The following CSMD3 variants were observed in gnomAD, a reference collection of about 807,000 sequenced individuals.
The protein encoded by CSMD3 is CUB and sushi domain-containing protein 3.
CSMD3 carries 177 observed loss-of-function variants against 435.2 expected under a neutral mutation model. The observed-to-expected ratio is 0.41, with a 90% CI of 0.36 to 0.46. The LOEUF (loss-of-function observed/expected upper bound fraction) is 0.46. Ranked by LOEUF, CSMD3 falls within the 20% of genes least tolerant of loss-of-function variation. The pLI, the probability that CSMD3 is intolerant of heterozygous loss-of-function variation, is 0.34. For missense variants in CSMD3, 4,265 were observed against 4,504.6 expected, an observed-to-expected ratio of 0.95 and a Z score of 1.52; for synonymous variants, 1,656 against 1,520.5, an observed-to-expected ratio of 1.09 and a Z score of -2.07.
intron 7 of CSMD3, among the ~76,000 whole-genome samples, chr8:112,969,914 G>T (rs1415259726): frequency 6.6e-6 from 1 of 151,842 alleles, no homozygotes; most frequent in African/African-American, 2.4e-5. Context: ...CTTGAGAAAG[G>T]ATACCCAATT....
In CSMD3 at chr8:113,229,486, C is replaced by CAA. The variant is rs553625609; in HGVS notation, c.514+49104_514+49105dup. On this transcript the variant is annotated intron_variant, in intron 3 of 70. Transcript: ENST00000297405. The stretch of plus-strand genomic sequence containing the variant: ...TAAGTCTCTTTCACACCTTTGCCAG[C>CAA]AAAAAAAAAAAAAATTATATTCAGT... Among the ~76,000 whole-genome samples the CAA allele has an allele frequency of 3.0e-5, 4 of 135,330 alleles. No individual in the cohort carries two copies. The Admixed American group carries it at 3.0e-4, about 10-fold the overall frequency. The allele number at this position is 135,330 out of a possible 152,430, so 88.8% of individuals were successfully genotyped here. A position where few individuals can be genotyped will look rare whatever the true frequency, so the allele number is the denominator to read the frequency against.
intron 1 of CSMD3, among the ~76,000 whole-genome samples, chr8:113,352,137 T>C (rs1397120770): frequency 6.6e-6 from 1 of 152,158 alleles, no homozygotes; most frequent in Non-Finnish European, 1.5e-5. Flanking sequence ...TTCTGAGATC[T>C]ACTTAGAACC....
At position 112,598,064 on chromosome 8, in the gene CSMD3, C is replaced by G. The variant is rs1476796570; in HGVS notation, c.3716-10829G>C. On this transcript the variant is annotated intron_variant, in intron 22 of 70. Transcript: ENST00000297405. The stretch of plus-strand genomic sequence containing the variant: ...AATAAAGGGTATTCAATTAGGAAAA[C>G]AGGAAGTCAAATTGTCCCTGTTTGC... 7.5e-4 allele frequency among the ~76,000 whole-genome samples: 111 copies of G among 148,708 alleles called. 2 individuals are homozygous for G. The highest frequency in any genetic ancestry group is 2.2e-3 in the African/African-American group (88 of 39,766).
chr8:112,727,278 T>G (rs1004896203), intron 13 of CSMD3, among the ~76,000 whole-genome samples: 27 of 152,002 alleles, frequency 1.8e-4, no homozygotes, highest in African/African-American at 6.5e-4. Flanking sequence ...GAACTGCGTC[T>G]GATTTTCCAC....
At chr8:112,765,124 CG>C (rs5894103) in intron 13 of CSMD3, among the ~76,000 whole-genome samples, 3,604 of 151,354 alleles carry the variant, frequency 0.024, 74 homozygotes, top group East Asian at 0.074. Flanking sequence ...CAACAGATGA[CG>C]GGGAGTCACT....
Position 112,492,602 on chromosome 8 carries a change from G to A in CSMD3, c.5165C>T (p.Thr1722Ile), listed in dbSNP as rs776279834. The A allele has an allele frequency of 6.2e-7, 1 of 1,613,140 alleles. No individual in the cohort carries two copies. Among genetic ancestry groups the A allele is most frequent in the Admixed American group, 1.7e-5 (1 of 59,990 alleles). Reference protein sequence around the residue: ...RLGMDYKLGSTVTYYCDAGYV... With the variant: ...RLGMDYKLGSIVTYYCDAGYV... ...ACCAGCATCACAGTAATAGGTGACTGTTGACCCTAATTTATAATCCATTCC... is the reference window on the plus strand; with the variant it reads ...ACCAGCATCACAGTAATAGGTGACTATTGACCCTAATTTATAATCCATTCC... Residue 1722 changes from threonine (T) to isoleucine (I), a missense_variant, in exon 31 of 71, where the codon ACA becomes ATA. Thr to Ile is a moderately conservative substitution (Grantham distance 89, BLOSUM62 -1). This residue lies in a region of CSMD3 where 3,255 missense variants were observed against 3,380.2 expected (regional missense o/e 0.96). Coordinates refer to ENST00000297405, the MANE Select transcript of CSMD3 (RefSeq NM_198123.2).
Position 112,231,467 on chromosome 8 carries a change from G to A in CSMD3, c.10828+78C>T, listed in dbSNP as rs1813079877. 3.3e-6 allele frequency: 3 copies of A among 914,900 alleles called. No homozygotes were observed. In the East Asian group the frequency reaches 7.2e-5, roughly 22 times the overall value. The allele number at this position is 914,900 out of a possible 1,614,324, so 56.7% of individuals were successfully genotyped here. A position where few individuals can be genotyped will look rare whatever the true frequency, so the allele number is the denominator to read the frequency against. On this transcript the variant is annotated intron_variant, in intron 69 of 70. Coordinates refer to ENST00000297405, the MANE Select transcript of CSMD3 (RefSeq NM_198123.2). ...TTATAATGCAGTAAGTGTACCTAAT[G>A]TACAGAATCCACAGTCTTTTTTTTA...
intron 13 of CSMD3, among the ~76,000 whole-genome samples, chr8:112,707,480 C>A (rs201569297): frequency 3.9e-5 from 4 of 103,626 alleles, no homozygotes; most frequent in Non-Finnish European, 5.6e-5. Flanking sequence ...GGTGGTGGTG[C>A]GGCGGGAGGG....
intron 10 of CSMD3, among the ~76,000 whole-genome samples, chr8:112,886,063 G>A (rs903729766): frequency 3.3e-5 from 5 of 151,558 alleles, no homozygotes; most frequent in Non-Finnish European, 5.9e-5. Flanking sequence ...CAATCCGAAA[G>A]ATGTGACTTC....
chr8:112,964,355 A>T lies in CSMD3; in HGVS notation c.1343-9594T>A, dbSNP rs2084340128. Among the ~76,000 whole-genome samples the T allele has an allele frequency of 4.6e-5, 7 of 152,034 alleles. No individual in the cohort carries two copies. The South Asian group carries it at 1.5e-3, about 32-fold the overall frequency. On this transcript the variant is annotated intron_variant, in intron 7 of 70. Transcript: ENST00000297405. ...CCTAATTTATTAATTTTGATATAAAATTTTAAGTAATCAATAATATTTGAC... is the reference window on the plus strand; with the variant it reads ...CCTAATTTATTAATTTTGATATAAATTTTTAAGTAATCAATAATATTTGAC...
intron 1 of CSMD3, among the ~76,000 whole-genome samples, chr8:113,384,585 C>A (rs1467071311): frequency 6.6e-6 from 1 of 152,046 alleles, no homozygotes; most frequent in African/African-American, 2.4e-5. Flanking sequence ...TGAAAGGATC[C>A]CAAAGATCTG....
At chr8:112,380,109 G>C (rs1480526082) in intron 38 of CSMD3, among the ~76,000 whole-genome samples, 1 of 151,868 alleles carries the variant, frequency 6.6e-6, no homozygotes, top group Non-Finnish European at 1.5e-5. Flanking sequence ...TTGTTGAGAG[G>C]GTAGATTTCA....
intron 32 of CSMD3, among the ~76,000 whole-genome samples, chr8:112,434,721 T>G (rs1299655396): frequency 6.6e-6 from 1 of 152,098 alleles, no homozygotes; most frequent in Non-Finnish European, 1.5e-5. Flanking sequence ...ATCAATGTGT[T>G]CACAAGGATA....
intron 6 of CSMD3, among the ~76,000 whole-genome samples, chr8:112,994,385 C>T (rs925263360): frequency 1.3e-5 from 2 of 151,518 alleles, no homozygotes; most frequent in Admixed American, 1.3e-4. Flanking sequence ...AAGGACCACA[C>T]CAATGTGCTT....
In CSMD3 at chr8:113,005,271, C is replaced by T. The variant is rs565323504; in HGVS notation, c.1030+13796G>A. On this transcript the variant is annotated intron_variant, in intron 6 of 70. Transcript: ENST00000297405. The stretch of plus-strand genomic sequence containing the variant: ...ACCAATAACAATGGCTATATAACCA[C>T]GGTTTAGATGACCTAGGATTTTTAT... Among the ~76,000 whole-genome samples, 11 of 151,858 alleles carry T rather than the reference C, an allele frequency of 7.2e-5. No homozygotes were observed. In the South Asian group the frequency reaches 1.0e-3, roughly 14 times the overall value.
At chr8:112,264,184 G>C (rs1816716295) in intron 60 of CSMD3, among the ~76,000 whole-genome samples, 1 of 152,046 alleles carries the variant, frequency 6.6e-6, no homozygotes, top group South Asian at 2.1e-4. Flanking sequence ...GACTTGGGTT[G>C]TTTAACTATA....
rs192173654 is a variant in CSMD3, at chr8:113,367,475, T to C, written c.179-52682A>G. Among the ~76,000 whole-genome samples the C allele has an allele frequency of 7.2e-5, 11 of 152,218 alleles. No individual in the cohort carries two copies. The East Asian group carries it at 2.1e-3, about 29-fold the overall frequency. On this transcript the variant is annotated intron_variant, in intron 1 of 70. Coordinates refer to ENST00000297405, the MANE Select transcript of CSMD3 (RefSeq NM_198123.2). Reference sequence around the variant, plus strand: ...ATATTGCTTTACAATGTCTTGTACATAAATTTACCTATTATAACTTAAATT... The same window carrying C: ...ATATTGCTTTACAATGTCTTGTACACAAATTTACCTATTATAACTTAAATT...
intron 6 of CSMD3, among the ~76,000 whole-genome samples, chr8:112,999,827 A>G (rs999963130): frequency 6.6e-6 from 1 of 152,008 alleles, no homozygotes; most frequent in Non-Finnish European, 1.5e-5. Flanking sequence ...TAAATGAGAA[A>G]AAAAAAGGTC....
intron 7 of CSMD3, among the ~76,000 whole-genome samples, chr8:112,959,684 T>G (rs2130857434): frequency 6.6e-6 from 1 of 151,988 alleles, no homozygotes. Flanking sequence ...TATAGTAAAC[T>G]AATAAACTAT....
Sources: gnomAD v4.1 joint callset for allele counts (sites outside exome capture counted in the v4.1 genomes callset) on GRCh38, gnomAD v4.1.1 for gene constraint, gnomAD v4.1.1 regional missense constraint, MANE v1.5 for transcripts, NCBI Gene and HGNC (gene_info 2026-07-23, HGNC 2026-07-21) for gene names.